The following ARFGEF3 variants were observed in gnomAD, a reference collection of about 807,000 sequenced individuals.
The protein encoded by ARFGEF3 is ARFGEF family member 3.
ARFGEF3 carries 96 observed loss-of-function variants against 221.7 expected under a neutral mutation model. That is an observed-to-expected ratio of 0.43 (90% CI 0.37 to 0.51). ARFGEF3 has a LOEUF of 0.51. Among genes scored for constraint, ARFGEF3 ranks in the 20% least tolerant of loss-of-function variants. ARFGEF3 has a pLI of 0.00. For missense variants in ARFGEF3, 2,410 were observed against 2,789.9 expected, an observed-to-expected ratio of 0.86 and a Z score of 3.07; for synonymous variants, 1,145 against 1,126.8, an observed-to-expected ratio of 1.02 and a Z score of -0.32.
At chr6:138,190,414 C>A (rs1233787124) in intron 2 of ARFGEF3, among the ~76,000 whole-genome samples, 3 of 151,990 alleles carry the variant, frequency 2.0e-5, no homozygotes, top group Non-Finnish European at 4.4e-5. Flanking sequence ...ATGAGCCGAG[C>A]ATGTGTTTGA....
intron 22 of ARFGEF3, among the ~76,000 whole-genome samples, chr6:138,299,224 A>G (rs28572777): frequency 6.7e-6 from 1 of 149,064 alleles, no homozygotes; most frequent in Non-Finnish European, 1.5e-5. Flanking sequence ...AAAAAAAAAA[A>G]CAGAAAAGTT....
At position 138,251,903 on chromosome 6, in the gene ARFGEF3, C is replaced by T. The variant is rs549453941; in HGVS notation, c.666-1977C>T. 8.5e-5 allele frequency among the ~76,000 whole-genome samples: 13 copies of T among 152,178 alleles called. No individual in the cohort carries two copies. In the East Asian group the frequency reaches 1.9e-3, roughly 23 times the overall value. ...ACTTGCTTATATGTCTGTCCAGTCC[C>T]GTAAGAGTGAAGAAACATGCTGTTT... On this transcript the variant is annotated intron_variant, in intron 8 of 33. Transcript: ENST00000251691.
chr6:138,319,215 A>G (rs61553187), intron 27 of ARFGEF3, among the ~76,000 whole-genome samples: 5,392 of 150,972 alleles, frequency 0.036, 203 homozygotes, highest in African/African-American at 0.091. Flanking sequence ...CTCAGCCTGC[A>G]GAGTAGGTGA....
In ARFGEF3 at chr6:138,263,516, A is replaced by G. The variant is rs1159264938; in HGVS notation, c.2033A>G (p.Gln678Arg). The G allele has an allele frequency of 6.2e-7, 1 of 1,613,682 alleles. No homozygotes were observed. The highest frequency in any genetic ancestry group is 8.5e-7 in the Non-Finnish European group (1 of 1,179,846). Reference protein sequence around the residue: ...ADQHSARLFIQSLEGLLPRLL... With the variant: ...ADQHSARLFIRSLEGLLPRLL... ...CAGCACAGCGCCAGGCTGTTCATAC[A>G]GTCCCTGGAAGGCCTCCTCCCTCGG... Residue 678 changes from glutamine to arginine, a missense_variant, in exon 12 of 34, where the codon CAG becomes CGG. By Grantham distance (43) the Gln-to-Arg change is conservative. Coordinates refer to ENST00000251691, the MANE Select transcript of ARFGEF3 (RefSeq NM_020340.5).
chr6:138,200,023 G>A (rs1046916041), intron 2 of ARFGEF3, among the ~76,000 whole-genome samples: 3 of 152,090 alleles, frequency 2.0e-5, no homozygotes, highest in Non-Finnish European at 2.9e-5. Flanking sequence ...TGTCATAGAT[G>A]GCTTTTATTA....
intron 2 of ARFGEF3, among the ~76,000 whole-genome samples, chr6:138,197,988 A>G (rs573063753): frequency 2.4e-4 from 36 of 152,220 alleles, no homozygotes; most frequent in African/African-American, 8.2e-4. Flanking sequence ...TTTCTTAACT[A>G]ATGCCCTAAT....
At position 138,334,634 on chromosome 6, in the gene ARFGEF3, C is replaced by A. The variant is rs759078532; in HGVS notation, c.5788C>A (p.Pro1930Thr). 8 of 1,613,440 alleles carry A rather than the reference C, an allele frequency of 5.0e-6. No individual in the cohort carries two copies. In the African/African-American group the frequency reaches 9.3e-5, roughly 19 times the overall value. The change falls in exon 33 of 34, where the codon CCC becomes ACC. Residue 1930 changes from proline (P) to threonine (T), a missense_variant. By Grantham distance (38) the Pro-to-Thr change is conservative. This residue lies in a region of ARFGEF3 where 339 missense variants were observed against 334.9 expected (regional missense o/e 1.01). Coordinates refer to ENST00000251691, the MANE Select transcript of ARFGEF3 (RefSeq NM_020340.5). The surrounding 1 kb of genome is among the most constrained non-coding windows in gnomAD (Gnocchi z 5.1). Reference protein sequence around the residue: ...LDLENCMEEPPIFKGDPFFIL... With the variant: ...LDLENCMEEPTIFKGDPFFIL... ...CCTGGAGAACTGTATGGAGGAGCCT[C>A]CCATCTTCAAGGGCGACCCGTTCTT... is the stretch of plus-strand genomic sequence containing the variant.
chr6:138,311,459 G>C lies in ARFGEF3; in HGVS notation c.4149G>C (p.Pro1383=), dbSNP rs774177266. ...IGDCAPAPGA[P]STDLCLPALD... The stretch of plus-strand genomic sequence containing the variant: ...ACTGTGCCCCAGCACCCGGAGCCCC[G>C]TCCACAGACCTGTGCCTCCCGGCCC... Residue 1383 remains proline (P), a synonymous_variant, in exon 25 of 34, where the codon CCG becomes CCC. Coordinates refer to ENST00000251691, the MANE Select transcript of ARFGEF3 (RefSeq NM_020340.5). The C allele has an allele frequency of 1.2e-5, 20 of 1,608,562 alleles. No homozygotes were observed. Among genetic ancestry groups the C allele is most frequent in the South Asian group, 1.2e-4 (11 of 89,262 alleles).
chr6:138,261,709 T>A, intron 11 of ARFGEF3, 70 bp downstream of exon 11: 1 of 828,406 alleles, frequency 1.2e-6, no homozygotes, highest in Non-Finnish European at 1.8e-6. Context: ...TGCTTACAAG[T>A]CCCTGAAATT....
chr6:138,332,737 C>T (rs1213902427), intron 32 of ARFGEF3, among the ~76,000 whole-genome samples: 1 of 152,148 alleles, frequency 6.6e-6, no homozygotes, highest in Non-Finnish European at 1.5e-5. Flanking sequence ...GAATTGTGTA[C>T]ATCAAAAAGT....
In ARFGEF3 at chr6:138,334,467, G is replaced by A; in HGVS notation, c.5621G>A (p.Gly1874Asp). 2 of 1,612,330 alleles carry A rather than the reference G, an allele frequency of 1.2e-6. No individual in the cohort carries two copies. The highest frequency in any genetic ancestry group is 1.7e-5 in the Admixed American group (1 of 59,810). Residue 1874 changes from glycine to aspartate, a missense_variant, in exon 33 of 34, where the codon GGC (glycine) becomes GAC (aspartate). By Grantham distance (94) the Gly-to-Asp change is moderately conservative. This residue lies in a region of ARFGEF3 where 723 missense variants were observed against 991.9 expected (regional missense o/e 0.73). Transcript: ENST00000251691. The surrounding 1 kb of genome is among the most constrained non-coding windows in gnomAD (Gnocchi z 5.1). ...EETAQVSPPR[G>D]KEKRQWRARM... is the part of the protein sequence containing the mutation. ...ACCGCCCAGGTCAGCCCCCCGAGAG[G>A]CAAGGAGAAGAGACAGTGGCGGGCA... is the stretch of plus-strand genomic sequence containing the variant.
chr6:138,303,498 TA>T (rs1395429496), intron 22 of ARFGEF3, among the ~76,000 whole-genome samples: 12 of 152,020 alleles, frequency 7.9e-5, no homozygotes, highest in Admixed American at 6.6e-5. Context: ...TCACATCTAC[TA>T]GGATAAAAAA....
At position 138,296,969 on chromosome 6, in the gene ARFGEF3, A is replaced by C; in HGVS notation, c.3648+14A>C. On this transcript the variant is annotated intron_variant, in intron 21 of 33. Coordinates refer to ENST00000251691, the MANE Select transcript of ARFGEF3 (RefSeq NM_020340.5). The stretch of plus-strand genomic sequence containing the variant: ...CACCTGGTGGAGGTGAGCACTGGGA[A>C]GGTGGGAAGAGGCTGGAACTGCTAA... 6.2e-7 allele frequency: 1 copy of C among 1,605,360 alleles called. No homozygotes were observed. The highest frequency in any genetic ancestry group is 8.5e-7 in the Non-Finnish European group (1 of 1,176,598).
At chr6:138,215,332 C>T (rs1333331397) in intron 4 of ARFGEF3, among the ~76,000 whole-genome samples, 5 of 151,880 alleles carry the variant, frequency 3.3e-5, no homozygotes, top group African/African-American at 9.7e-5. Flanking sequence ...CTGGCTTTGG[C>T]GATAAGGAAG....
intron 4 of ARFGEF3, among the ~76,000 whole-genome samples, chr6:138,218,974 T>G (rs1225374773): frequency 6.6e-6 from 1 of 152,202 alleles, no homozygotes; most frequent in African/African-American, 2.4e-5. Flanking sequence ...TAAGGAAATA[T>G]ATTTTTGTTG....
chr6:138,270,427 G>GAGACACACAC (rs375236767), intron 12 of ARFGEF3, among the ~76,000 whole-genome samples: 33 of 139,414 alleles, frequency 2.4e-4, no homozygotes, highest in Non-Finnish European at 2.6e-4. Flanking sequence ...ATTTTACGTA[G>GAGACACACAC]ACACACACAC....
chr6:138,261,699 T>C (rs1471338751), intron 11 of ARFGEF3, 60 bp downstream of exon 11: 3 of 931,500 alleles, frequency 3.2e-6, no homozygotes, highest in Non-Finnish European at 4.6e-6. Flanking sequence ...CTTTTAACCT[T>C]GCTTACAAGT....
At chr6:138,223,147 G>C (rs1009216695) in intron 4 of ARFGEF3, among the ~76,000 whole-genome samples, 1 of 152,126 alleles carries the variant, frequency 6.6e-6, no homozygotes, top group Non-Finnish European at 1.5e-5. Flanking sequence ...CTGGGCATGT[G>C]GAAGGCAGCA....
intron 1 of ARFGEF3, among the ~76,000 whole-genome samples, chr6:138,165,745 C>T (rs1334949590): frequency 1.3e-5 from 2 of 151,266 alleles, no homozygotes; most frequent in African/African-American, 4.9e-5. Context: ...ACTGAGACCC[C>T]CATAGGAGAG....
Sources: allele counts gnomAD v4.1 joint callset (sites outside exome capture counted in the v4.1 genomes callset), GRCh38; gene constraint gnomAD v4.1.1; regional missense constraint gnomAD v4.1.1; non-coding constraint Gnocchi (gnomAD v3.1); transcripts MANE v1.5; gene names NCBI Gene and HGNC (gene_info 2026-07-23, HGNC 2026-07-21).